The following LAMA1 variants were observed in gnomAD, a reference collection of about 807,000 sequenced individuals.
The protein encoded by LAMA1 is laminin subunit alpha-1.
LAMA1 carries 219 observed loss-of-function variants against 348.7 expected under a neutral mutation model. The ratio of observed to expected loss-of-function variants is 0.63; its 90% confidence interval spans 0.56 to 0.70. The LOEUF is 0.70. Among genes scored for constraint, LAMA1 ranks in the 30% least tolerant of loss-of-function variants. The probability of loss-of-function intolerance (pLI) is 0.00; values close to 1 mark genes in which losing one functional copy is unlikely to be tolerated. For missense variants in LAMA1, 3,744 were observed against 3,888.0 expected (o/e 0.96, Z 0.99); for synonymous variants, 1,487 against 1,491.0 (o/e 1.00, Z 0.06).
chr18:7,054,746 T>TTCC (rs778037397), intron 3 of LAMA1, among the ~76,000 whole-genome samples: 1 of 152,066 alleles, frequency 6.6e-6, no homozygotes, highest in African/African-American at 2.4e-5. Flanking sequence ...CCAACCCCTC[T>TTCC]TCCTCCTCCT....
chr18:7,115,181 C>T (rs990392672), intron 1 of LAMA1, among the ~76,000 whole-genome samples: 27 of 152,142 alleles, frequency 1.8e-4, no homozygotes, highest in African/African-American at 6.5e-4. Flanking sequence ...TTCAGGCATG[C>T]ATACTTTACT....
rs11270496 is a variant in LAMA1 at position 6,956,505 on chromosome 18, ACAGCTC to A, written c.8094+125_8094+130del. 14,640 of 1,468,568 alleles carry A rather than the reference ACAGCTC, an allele frequency of 1.0e-2. 134 individuals carry two copies. Among genetic ancestry groups the A allele is most frequent in the Middle Eastern group, 0.059 (340 of 5,804 alleles). The allele number at this position is 1,468,568 out of a possible 1,614,324, so 91.0% of individuals were successfully genotyped here. ...CCCTGTCCCCGCTCTGATTTTTAGC[ACAGCTC>A]CAGCTCCAGCTCCAGCTCCAGCTTT... is the stretch of plus-strand genomic sequence containing the variant. On this transcript the variant is annotated intron_variant, in intron 56 of 62. Coordinates refer to ENST00000389658, the MANE Select transcript of LAMA1 (RefSeq NM_005559.4).
chr18:7,016,148 C>G (rs2144125773), intron 21 of LAMA1, among the ~76,000 whole-genome samples: 1 of 152,304 alleles, frequency 6.6e-6, no homozygotes, highest in South Asian at 2.1e-4. Flanking sequence ...TAAGCACTTA[C>G]TGCAGGCCCA....
At chr18:7,012,212 T>C (rs184340294) in intron 23 of LAMA1, 74 bp from the exon 24 acceptor site, 2 of 1,464,516 alleles carry the variant, frequency 1.4e-6, no homozygotes, top group Non-Finnish European at 1.9e-6. Flanking sequence ...AGAGACAAAA[T>C]AGAGCACAAA....
rs1425511585 is a variant in LAMA1 at position 6,973,059 on chromosome 18, T to C, written c.6772A>G (p.Lys2258Glu). 1 of 1,614,082 alleles carries C rather than the reference T, an allele frequency of 6.2e-7. No individual in the cohort carries two copies. Among genetic ancestry groups the C allele is most frequent in the African/African-American group, 1.3e-5 (1 of 74,936 alleles). The change falls in exon 47 of 63, where the codon AAG (lysine) becomes GAG (glutamate). Residue 2258 changes from lysine (K) to glutamate (E), a missense_variant and splice_region_variant. Transcript: ENST00000389658. ...CAGAAGAACTTTCGTAATGTTACCT[T>C]GATTTGTCCTCCAAGACCTCCAACA... ...MFVGGLGGQI[K>E]KSPAVKVTHF...
intron 38 of LAMA1, 52 bp downstream of exon 38, chr18:6,985,475 G>A: frequency 6.2e-7 from 1 of 1,605,070 alleles, no homozygotes; most frequent in South Asian, 1.1e-5. Flanking sequence ...TAGAAAAGAT[G>A]TGTGAAGATT....
chr18:6,975,757 T>G (rs1455111765), intron 45 of LAMA1, among the ~76,000 whole-genome samples, 180 bp downstream of exon 45: 1 of 152,198 alleles, frequency 6.6e-6, no homozygotes, highest in Non-Finnish European at 1.5e-5. Flanking sequence ...TCACAGGCAT[T>G]CCATTTGGTA....
At chr18:7,106,550 G>T (rs1475276928) in intron 1 of LAMA1, among the ~76,000 whole-genome samples, 1 of 151,926 alleles carries the variant, frequency 6.6e-6, no homozygotes, top group Admixed American at 6.6e-5. Flanking sequence ...AGTAGATTCG[G>T]GGTTTCACCA....
At chr18:6,983,382 A>G (rs1312073126) in intron 39 of LAMA1, 148 bp from the exon 40 acceptor site, 1 of 801,354 alleles carries the variant, frequency 1.2e-6, no homozygotes, top group East Asian at 2.7e-5. Context: ...ATAACAACCT[A>G]TGGGTTCCCA....
At chr18:7,053,783 T>TTTTTTC (rs1441437523) in intron 3 of LAMA1, among the ~76,000 whole-genome samples, 1 of 133,958 alleles carries the variant, frequency 7.5e-6, no homozygotes, top group African/African-American at 3.4e-5. Flanking sequence ...TTAGAGGATT[T>TTTTTTC]TTTTTTTTTT....
chr18:6,997,707 A>T (rs1048207933), intron 33 of LAMA1, 35 bp downstream of exon 33: 36 of 1,604,602 alleles, frequency 2.2e-5, no homozygotes, highest in Non-Finnish European at 3.0e-5. Context: ...TTAATGATAC[A>T]AGTGTCTGTT....
At position 7,049,176 on chromosome 18, in the gene LAMA1, T is replaced by C. The variant is rs764611167; in HGVS notation, c.670A>G (p.Ile224Val). ...CTAATGCGTTGCAAGCGAAGGCGAA[T>C]ATATCGTGCAGAAGTGAATTCCAAC... Reference protein sequence around the residue: ...KLLEFTSARYIRLRLQRIRTL... With the variant: ...KLLEFTSARYVRLRLQRIRTL... Residue 224 changes from isoleucine to valine, a missense_variant, in exon 5 of 63, where the codon ATT becomes GTT. Physicochemically the swap from Ile to Val is conservative, Grantham distance 29. Around this residue, in one of 3 missense-constraint regions of LAMA1, gnomAD observed 1,529 missense variants for 1,689.4 expected, o/e 0.91. Coordinates refer to ENST00000389658, the MANE Select transcript of LAMA1 (RefSeq NM_005559.4). The C allele has an allele frequency of 9.7e-5, 156 of 1,614,056 alleles. No homozygotes were observed. Among genetic ancestry groups the C allele is most frequent in the Non-Finnish European group, 1.2e-4 (137 of 1,180,022 alleles).
At chr18:7,006,728 C>T (rs150559773) in intron 29 of LAMA1, among the ~76,000 whole-genome samples, 13 of 152,262 alleles carry the variant, frequency 8.5e-5, no homozygotes, top group African/African-American at 3.1e-4. Context: ...AGCATGTTAC[C>T]GTACTGAATA....
intron 1 of LAMA1, among the ~76,000 whole-genome samples, chr18:7,093,357 A>T (rs1414897391): frequency 6.6e-6 from 1 of 152,166 alleles, no homozygotes; most frequent in Non-Finnish European, 1.5e-5. Flanking sequence ...TGGAGCTTGC[A>T]GTGATCCAAG....
chr18:7,116,811 T>TCTCTTTCTCTCTCTCTTTC (rs2058358476), intron 1 of LAMA1, among the ~76,000 whole-genome samples: 1 of 149,516 alleles, frequency 6.7e-6, no homozygotes, highest in African/African-American at 2.6e-5. Flanking sequence ...CTCTTTCTTT[T>TCTCTTTCTCTCTCTCTTTC]CTCTTTCTCT....
At chr18:6,983,389 C>T (rs553219352) in intron 39 of LAMA1, among the ~76,000 whole-genome samples, 155 bp from the exon 40 acceptor site, 1 of 152,314 alleles carries the variant, frequency 6.6e-6, no homozygotes, top group African/African-American at 2.4e-5. Context: ...CCTATGGGTT[C>T]CCATGTAACT....
Position 7,023,275 on chromosome 18 carries a change from C to G in LAMA1, c.2590G>C (p.Asp864His), listed in dbSNP as rs750869494. The change falls in exon 19 of 63, where the codon GAC (aspartate) becomes CAC (histidine). Residue 864 changes from aspartate (D) to histidine (H), a missense_variant. Asp to His is a moderately conservative substitution (Grantham distance 81). Coordinates refer to ENST00000389658, the MANE Select transcript of LAMA1 (RefSeq NM_005559.4). Reference sequence around the variant, plus strand: ...TTCAGGCACTCCCCGGTGACTGAGTCACAGTGACCAGCCTCCGAGGGGTCC... The same window carrying G: ...TTCAGGCACTCCCCGGTGACTGAGTGACAGTGACCAGCCTCCGAGGGGTCC... ...NVDPSEAGHC[D>H]SVTGECLKCL... is the part of the protein sequence containing the mutation. 1.2e-6 allele frequency: 2 copies of G among 1,614,148 alleles called. No individual in the cohort carries two copies. The highest frequency in any genetic ancestry group is 1.7e-5 in the Admixed American group (1 of 60,026).
At chr18:7,030,628 A>C (rs764558325) in intron 16 of LAMA1, among the ~76,000 whole-genome samples, 1 of 152,170 alleles carries the variant, frequency 6.6e-6, no homozygotes, top group African/African-American at 2.4e-5. Flanking sequence ...CTCTTCTGTA[A>C]GTCTAAAATT....
At chr18:7,025,406 C>T (rs2057937972) in intron 17 of LAMA1, among the ~76,000 whole-genome samples, 1 of 152,228 alleles carries the variant, frequency 6.6e-6, no homozygotes, top group Non-Finnish European at 1.5e-5. Flanking sequence ...ACACTGCTCT[C>T]CCTCCTCCCC....
Sources: allele counts gnomAD v4.1 joint callset (sites outside exome capture counted in the v4.1 genomes callset), GRCh38; gene constraint gnomAD v4.1.1; regional missense constraint gnomAD v4.1.1; transcripts MANE v1.5; gene names NCBI Gene and HGNC (gene_info 2026-07-23, HGNC 2026-07-21).